The following MAP3K5 variants were observed in gnomAD, a reference collection of about 807,000 sequenced individuals.
MAP3K5 encodes the protein ASK-1.
A neutral mutation model predicts 158.7 loss-of-function variants in MAP3K5; 56 were observed. That is an observed-to-expected ratio of 0.35 (90% CI 0.28 to 0.44). The LOEUF is 0.44. Among genes scored for constraint, MAP3K5 ranks in the 20% least tolerant of loss-of-function variants. The pLI, the probability that MAP3K5 is intolerant of heterozygous loss-of-function variation, is 1.00. For synonymous variants in MAP3K5, 579 were observed against 601.7 expected, an observed-to-expected ratio of 0.96 and a Z score of 0.55; for missense variants, 1,294 against 1,674.8, an observed-to-expected ratio of 0.77 and a Z score of 3.97.
chr6:136,670,436 A>G (rs1779433407), intron 7 of MAP3K5, among the ~76,000 whole-genome samples: 1 of 152,134 alleles, frequency 6.6e-6, no homozygotes. Context: ...CATGCTGAAG[A>G]AAATATAAGA....
chr6:136,661,387 G>A (rs894689651), intron 8 of MAP3K5, among the ~76,000 whole-genome samples: 1 of 152,044 alleles, frequency 6.6e-6, no homozygotes, highest in Non-Finnish European at 1.5e-5. Context: ...TCTTCTATCT[G>A]GATATAATTT....
chr6:136,735,272 C>T (rs76752077), intron 1 of MAP3K5, among the ~76,000 whole-genome samples: 1,907 of 152,156 alleles, frequency 0.013, 37 homozygotes, highest in African/African-American at 0.044. Context: ...GAAAAATGAC[C>T]TGAATTCCTT....
At chr6:136,738,975 C>T (rs1782597629) in intron 1 of MAP3K5, among the ~76,000 whole-genome samples, 1 of 151,886 alleles carries the variant, frequency 6.6e-6, no homozygotes, top group Non-Finnish European at 1.5e-5. Flanking sequence ...CACCCATGCA[C>T]ACTAGGTTCC....
At chr6:136,569,162 T>C (rs1774254348) in intron 25 of MAP3K5, among the ~76,000 whole-genome samples, 1 of 152,174 alleles carries the variant, frequency 6.6e-6, no homozygotes, top group African/African-American at 2.4e-5. Flanking sequence ...TAGCATCCCA[T>C]GACAAACAAC....
intron 23 of MAP3K5, among the ~76,000 whole-genome samples, chr6:136,587,969 A>G (rs1375193038): frequency 6.6e-6 from 1 of 152,212 alleles, no homozygotes. Context: ...TGATGATGCT[A>G]TGGTCCAGCA....
intron 1 of MAP3K5, among the ~76,000 whole-genome samples, chr6:136,725,227 G>C (rs1292537429): frequency 2.0e-5 from 3 of 152,180 alleles, no homozygotes; most frequent in African/African-American, 7.2e-5. Context: ...CCTAGGAGTA[G>C]GATTACTGGG....
At chr6:136,766,991 A>G (rs1355012409) in intron 1 of MAP3K5, among the ~76,000 whole-genome samples, 1 of 152,216 alleles carries the variant, frequency 6.6e-6, no homozygotes, top group African/African-American at 2.4e-5. Flanking sequence ...CACATTTAAA[A>G]GCCACTTGGT....
chr6:136,602,054 C>T, intron 19 of MAP3K5, 75 bp from the exon 20 acceptor site: 2 of 1,186,096 alleles, frequency 1.7e-6, no homozygotes, highest in South Asian at 1.4e-5. Context: ...GCTTCCATAA[C>T]TTGACCCCCC....
intron 1 of MAP3K5, among the ~76,000 whole-genome samples, chr6:136,781,408 CATA>C (rs1410023736): frequency 6.6e-6 from 1 of 152,226 alleles, no homozygotes; most frequent in African/African-American, 2.4e-5. Flanking sequence ...GACTCTTCCT[CATA>C]ATAATAACTG....
In MAP3K5 at chr6:136,753,336, G is replaced by A. The variant is rs376226146; in HGVS notation, c.449-32747C>T. ...ACTTTCTTTTACCACAAAAGTATAC[G>A]AACCTAGCATTAGGCAGCAACATGG... On this transcript the variant is annotated intron_variant, in intron 1 of 29. Transcript: ENST00000359015. Among the ~76,000 whole-genome samples, 4 of 151,970 alleles carry A rather than the reference G, an allele frequency of 2.6e-5. 1 individual carries two copies. The East Asian group carries it at 7.7e-4, about 29-fold the overall frequency.
intron 10 of MAP3K5, among the ~76,000 whole-genome samples, chr6:136,655,773 A>G (rs1394817650): frequency 6.6e-6 from 1 of 152,138 alleles, no homozygotes; most frequent in Admixed American, 6.6e-5. Context: ...GAAGTCCACT[A>G]GAGACCAGCA....
At chr6:136,677,748 T>C (rs929961212) in intron 7 of MAP3K5, among the ~76,000 whole-genome samples, 3 of 152,234 alleles carry the variant, frequency 2.0e-5, no homozygotes, top group African/African-American at 7.2e-5. Flanking sequence ...AGGGTGGGAA[T>C]ATTTAATCTT....
intron 25 of MAP3K5, among the ~76,000 whole-genome samples, chr6:136,569,645 CT>C (rs1562512518): frequency 6.6e-6 from 1 of 152,192 alleles, no homozygotes; most frequent in African/African-American, 2.4e-5. Flanking sequence ...TTGCCTGTAA[CT>C]TCTGTCTCCC....
At chr6:136,566,053 C>G (rs571837787) in intron 26 of MAP3K5, among the ~76,000 whole-genome samples, 1 of 152,150 alleles carries the variant, frequency 6.6e-6, no homozygotes, top group East Asian at 1.9e-4. Flanking sequence ...CCAAGAGACA[C>G]TCAGAAGAGA....
chr6:136,692,999 T>C (rs1197686794), intron 7 of MAP3K5, among the ~76,000 whole-genome samples: 1 of 152,194 alleles, frequency 6.6e-6, no homozygotes, highest in Non-Finnish European at 1.5e-5. Context: ...TAGTCATACA[T>C]AATTTGTACA....
intron 2 of MAP3K5, among the ~76,000 whole-genome samples, chr6:136,709,295 G>A (rs1781207927): frequency 1.3e-5 from 2 of 152,152 alleles, no homozygotes; most frequent in South Asian, 4.1e-4. Flanking sequence ...CTATGAATTA[G>A]GGGTAGATAT....
intron 14 of MAP3K5, among the ~76,000 whole-genome samples, chr6:136,628,183 C>G (rs1216277732): frequency 6.6e-6 from 1 of 151,804 alleles, no homozygotes; most frequent in Non-Finnish European, 1.5e-5. Context: ...GCCATCATAG[C>G]TCATTGCAGC....
rs529647609 is a variant in MAP3K5 at position 136,664,767 on chromosome 6, C to A, written c.1366+4516G>T. 5.9e-5 allele frequency among the ~76,000 whole-genome samples: 9 copies of A among 152,278 alleles called. 1 individual carries two copies. In the South Asian group the frequency reaches 1.5e-3, roughly 25 times the overall value. On this transcript the variant is annotated intron_variant, in intron 8 of 29. Transcript: ENST00000359015. The stretch of plus-strand genomic sequence containing the variant: ...CCAACATGGCAAAATCCTGTCTCTA[C>A]TAAAACTACAAAAATTAGTTGGGCA...
At chr6:136,648,638 T>C (rs986645195) in intron 11 of MAP3K5, among the ~76,000 whole-genome samples, 2 of 152,192 alleles carry the variant, frequency 1.3e-5, no homozygotes, top group Non-Finnish European at 1.5e-5. Flanking sequence ...AAAATATAAA[T>C]AACATGCATT....
Sources: gnomAD v4.1 joint callset for allele counts (sites outside exome capture counted in the v4.1 genomes callset) on GRCh38, gnomAD v4.1.1 for gene constraint, MANE v1.5 for transcripts, NCBI Gene and HGNC (gene_info 2026-07-23, HGNC 2026-07-21) for gene names.